NXPH1: variants seen among roughly 807,000 people sequenced by gnomAD.
NXPH1 encodes the protein neurexophilin-1.
NXPH1 carries 5 observed loss-of-function variants against 23.7 expected under a neutral mutation model. The ratio of observed to expected loss-of-function variants is 0.21; its 90% CI spans 0.11 to 0.44. NXPH1 has a LOEUF of 0.44. Among genes scored for constraint, NXPH1 ranks in the 20% least tolerant of loss-of-function variants. The pLI is 0.99. For missense variants in NXPH1, 324 were observed against 321.6 expected, an observed-to-expected ratio of 1.01 and a Z score of -0.06; for synonymous variants, 144 against 122.2, an observed-to-expected ratio of 1.18 and a Z score of -1.18.
chr7:8,470,693 C>G (rs1480122550), intron 2 of NXPH1, among the ~76,000 whole-genome samples: 1 of 152,116 alleles, frequency 6.6e-6, no homozygotes, highest in Non-Finnish European at 1.5e-5. Context: ...ATTTCATAGC[C>G]TGGTTTACAT....
intron 2 of NXPH1, among the ~76,000 whole-genome samples, chr7:8,745,271 T>C (rs529826865): frequency 2.0e-5 from 3 of 152,304 alleles, no homozygotes; most frequent in Admixed American, 6.5e-5. Context: ...TATGTATACA[T>C]TGTGGAATGG....
At chr7:8,585,171 A>T (rs746171084) in intron 2 of NXPH1, among the ~76,000 whole-genome samples, 1 of 152,226 alleles carries the variant, frequency 6.6e-6, no homozygotes, top group African/African-American at 2.4e-5. Context: ...ATCTGGTAAC[A>T]TGAAATACTT....
At chr7:8,603,090 C>T (rs111305859) in intron 2 of NXPH1, among the ~76,000 whole-genome samples, 2,189 of 152,228 alleles carry the variant, frequency 0.014, 56 homozygotes, top group African/African-American at 0.05. Flanking sequence ...GGATTACAGA[C>T]GTGAGCCACC....
chr7:8,633,134 T>A (rs747180460), intron 2 of NXPH1, among the ~76,000 whole-genome samples: 23 of 152,182 alleles, frequency 1.5e-4, no homozygotes, highest in Non-Finnish European at 8.8e-5. Context: ...TAATGTATCA[T>A]TAAAATAAAA....
At chr7:8,623,282 A>T (rs777533224) in intron 2 of NXPH1, among the ~76,000 whole-genome samples, 9 of 152,148 alleles carry the variant, frequency 5.9e-5, no homozygotes, top group Non-Finnish European at 1.0e-4. Context: ...TTCATTTGTT[A>T]TAGAAAATAC....
At chr7:8,735,423 A>T (rs572212398) in intron 2 of NXPH1, among the ~76,000 whole-genome samples, 2 of 152,276 alleles carry the variant, frequency 1.3e-5, no homozygotes, top group South Asian at 4.1e-4. Flanking sequence ...GGTTATGTTT[A>T]TGTACTGTAT....
At chr7:8,607,137 T>G (rs556136672) in intron 2 of NXPH1, among the ~76,000 whole-genome samples, 1 of 152,280 alleles carries the variant, frequency 6.6e-6, no homozygotes, top group African/African-American at 2.4e-5. Flanking sequence ...TTAACAAAAT[T>G]AACTCGAAGT....
intron 2 of NXPH1, among the ~76,000 whole-genome samples, chr7:8,577,503 T>C (rs1003355301): frequency 1.3e-5 from 2 of 152,196 alleles, no homozygotes; most frequent in Admixed American, 1.3e-4. Flanking sequence ...CATCAAAAAC[T>C]ACCATTTGTT....
chr7:8,508,555 C>T (rs183992106), intron 2 of NXPH1, among the ~76,000 whole-genome samples: 4 of 152,238 alleles, frequency 2.6e-5, no homozygotes, highest in African/African-American at 9.6e-5. Context: ...AACCATTTCT[C>T]CATCCTTGGA....
intron 2 of NXPH1, among the ~76,000 whole-genome samples, chr7:8,695,757 G>C (rs6463834): frequency 0.053 from 8,043 of 152,160 alleles, 405 homozygotes; most frequent in East Asian, 0.18. Context: ...AGAAAAAATA[G>C]CCTACAAATG....
At chr7:8,647,246 C>T (rs975650015) in intron 2 of NXPH1, among the ~76,000 whole-genome samples, 1 of 152,202 alleles carries the variant, frequency 6.6e-6, no homozygotes, top group African/African-American at 2.4e-5. Flanking sequence ...TCTCCACTGG[C>T]CACCCAGAGG....
At chr7:8,608,909 A>C (rs141749625) in intron 2 of NXPH1, among the ~76,000 whole-genome samples, 106 of 152,306 alleles carry the variant, frequency 7.0e-4, no homozygotes, top group Middle Eastern at 6.8e-3. Flanking sequence ...TAGGTACAAC[A>C]TTAAAATGAG....
chr7:8,564,415 A>G (rs1457484749), intron 2 of NXPH1, among the ~76,000 whole-genome samples: 3 of 151,744 alleles, frequency 2.0e-5, no homozygotes, highest in African/African-American at 4.8e-5. Context: ...TCTGGATGTG[A>G]CATTGCTCAT....
chr7:8,752,898 G>T lies in NXPH1; in HGVS notation c.*1129G>T, dbSNP rs1780589871. 3 of 152,438 alleles carry T rather than the reference G, an allele frequency of 2.0e-5. No homozygotes were observed. 9.4% of individuals were successfully genotyped at this position (152,438 alleles called of 1,614,324 possible). A position where few individuals can be genotyped will look rare whatever the true frequency, so the allele number is the denominator to read the frequency against. On this transcript the variant is annotated 3_prime_UTR_variant, in exon 3 of 3. Transcript: ENST00000405863. ...CAACATTACAGTCTGTCTGTATTTAGATATTTTATTTCTGGAAAAAATGAA... is the reference window on the plus strand; with the variant it reads ...CAACATTACAGTCTGTCTGTATTTATATATTTTATTTCTGGAAAAAATGAA...
At chr7:8,451,042 T>C (rs1816497807) in intron 2 of NXPH1, among the ~76,000 whole-genome samples, 1 of 151,718 alleles carries the variant, frequency 6.6e-6, no homozygotes, top group Admixed American at 6.6e-5. Flanking sequence ...TCCTTAGTTA[T>C]AAAATTGGTC....
At chr7:8,586,740 T>G (rs1818989163) in intron 2 of NXPH1, among the ~76,000 whole-genome samples, 1 of 152,148 alleles carries the variant, frequency 6.6e-6, no homozygotes, top group African/African-American at 2.4e-5. Context: ...TTTTAACCTT[T>G]TGCATTCCAG....
At chr7:8,600,939 T>C (rs1819345120) in intron 2 of NXPH1, among the ~76,000 whole-genome samples, 1 of 152,120 alleles carries the variant, frequency 6.6e-6, no homozygotes. Context: ...TTTTTTGTTT[T>C]ACTATTGTCT....
intron 2 of NXPH1, among the ~76,000 whole-genome samples, chr7:8,512,645 T>G (rs891591542): frequency 2.0e-5 from 3 of 152,122 alleles, no homozygotes; most frequent in Admixed American, 6.6e-5. Context: ...TACTATAAAG[T>G]TAACCAAGTA....
chr7:8,694,659 AT>A (rs1213492262), intron 2 of NXPH1, among the ~76,000 whole-genome samples: 1 of 152,166 alleles, frequency 6.6e-6, no homozygotes, highest in Admixed American at 6.5e-5. Context: ...GAGCTAAAAA[AT>A]TCATAGTATT....
Sources: allele counts gnomAD v4.1 joint callset (sites outside exome capture counted in the v4.1 genomes callset), GRCh38; gene constraint gnomAD v4.1.1; transcripts MANE v1.5; gene names NCBI Gene and HGNC (gene_info 2026-07-23, HGNC 2026-07-21).